Variants in KIF2A observed in about 807,000 individuals in gnomAD.
KIF2A encodes the protein kinesin family member 2A.
In KIF2A, 22 loss-of-function variants were observed where a neutral mutation model predicts 100.2. That is an observed-to-expected ratio of 0.22 (90% CI 0.16 to 0.31). The LOEUF (loss-of-function observed/expected upper bound fraction) is 0.31. Among genes scored for constraint, KIF2A ranks in the 10% least tolerant of loss-of-function variants. The pLI, the probability that KIF2A is intolerant of heterozygous loss-of-function variation, is 1.00. For synonymous variants in KIF2A, 268 were observed against 285.9 expected (o/e 0.94, Z 0.63); for missense variants, 495 against 898.7 (o/e 0.55, Z 5.74).
rs982983438 is a variant in KIF2A at position 62,388,183 on chromosome 5, A to G, written c.*2614A>G. ...TTTTAATTGTCCAGAAATCATAGGAATACTGGGAACCTGTAGTTATGGGAA... is the reference window on the plus strand; with the variant it reads ...TTTTAATTGTCCAGAAATCATAGGAGTACTGGGAACCTGTAGTTATGGGAA... On this transcript the variant is annotated 3_prime_UTR_variant, in exon 21 of 21. Transcript: ENST00000407818. 7 of 152,204 alleles carry G rather than the reference A, an allele frequency of 4.6e-5. No individual in the cohort carries two copies. 9.4% of individuals were successfully genotyped at this position (152,204 alleles called of 1,614,324 possible).
At chr5:62,318,956 A>G (rs1002939463) in intron 1 of KIF2A, among the ~76,000 whole-genome samples, 1 of 152,112 alleles carries the variant, frequency 6.6e-6, no homozygotes, top group East Asian at 1.9e-4. Flanking sequence ...CCAGTCAGAA[A>G]CTTGGTTGTC....
intron 16 of KIF2A, among the ~76,000 whole-genome samples, chr5:62,367,165 A>G (rs1236504545): frequency 6.6e-6 from 1 of 152,174 alleles, no homozygotes; most frequent in East Asian, 1.9e-4. Context: ...GTTTTGGTAT[A>G]TGTTGCATAT....
At chr5:62,319,977 A>T (rs1043121786) in intron 1 of KIF2A, among the ~76,000 whole-genome samples, 2 of 152,164 alleles carry the variant, frequency 1.3e-5, no homozygotes, top group Non-Finnish European at 2.9e-5. Flanking sequence ...AGACAAAAAT[A>T]TTACTAGCTT....
At chr5:62,376,401 GTTTT>G (rs201229170) in intron 18 of KIF2A, among the ~76,000 whole-genome samples, 2 of 140,894 alleles carry the variant, frequency 1.4e-5, no homozygotes, top group Non-Finnish European at 3.2e-5. Context: ...GATCGGAGAA[GTTTT>G]TTTTGTTTGT....
chr5:62,375,600 G>A (rs1741502311), intron 18 of KIF2A, among the ~76,000 whole-genome samples: 1 of 152,180 alleles, frequency 6.6e-6, no homozygotes, highest in Non-Finnish European at 1.5e-5. Flanking sequence ...ATGTTAGTTA[G>A]TTCTAATACT....
rs1741611538 is a variant in KIF2A, at chr5:62,377,746, A to T, written c.1997A>T (p.His666Leu). The change falls in exon 19 of 21, where the codon CAC becomes CTC. Residue 666 changes from histidine (H) to leucine (L), a missense_variant. Transcript: ENST00000407818. Reference protein sequence around the residue: ...VEMEEQVVEDHRAVFQESIRW... With the variant: ...VEMEEQVVEDLRAVFQESIRW... Reference sequence around the variant, plus strand: ...ATGGAAGAACAAGTTGTAGAAGATCACAGGGCAGTGTTCCAGGTAAAGTAA... The same window carrying T: ...ATGGAAGAACAAGTTGTAGAAGATCTCAGGGCAGTGTTCCAGGTAAAGTAA... The T allele has an allele frequency of 6.5e-7, 1 of 1,541,160 alleles. No homozygotes were observed.
chr5:62,379,239 TCTGA>T (rs1166306132), intron 19 of KIF2A, among the ~76,000 whole-genome samples: 6 of 152,236 alleles, frequency 3.9e-5, no homozygotes, highest in Non-Finnish European at 7.3e-5. Context: ...AATTAGGTGT[TCTGA>T]CTTTCAACCC....
chr5:62,306,408 C>A lies in KIF2A; in HGVS notation c.-65C>A, dbSNP rs1342902933. ...CCCCCTCCCACACCTACCCCGCCCC[C>A]TCCCCGCCTTTTCCGCCCTCCGGTC... On this transcript the variant is annotated 5_prime_UTR_variant, in exon 1 of 21. Coordinates refer to ENST00000407818, the MANE Select transcript of KIF2A (RefSeq NM_001098511.3). The A allele has an allele frequency of 1.7e-6, 2 of 1,143,986 alleles. No individual in the cohort carries two copies. The highest frequency in any genetic ancestry group is 2.1e-5 in the Admixed American group (1 of 47,912). The allele number at this position is 1,143,986 out of a possible 1,614,324, so 70.9% of individuals were successfully genotyped here. A position where few individuals can be genotyped will look rare whatever the true frequency, so the allele number is the denominator to read the frequency against.
chr5:62,353,121 C>G, intron 5 of KIF2A, 154 bp from the exon 6 acceptor site: 2 of 497,762 alleles, frequency 4.0e-6, no homozygotes, highest in Non-Finnish European at 7.2e-6. Flanking sequence ...TTTGGTAAAG[C>G]AGCTCATTAA....
At chr5:62,358,892 G>C (rs1748247284) in intron 9 of KIF2A, among the ~76,000 whole-genome samples, 2 of 152,200 alleles carry the variant, frequency 1.3e-5, no homozygotes, top group South Asian at 4.1e-4. Context: ...GCTAACCTCA[G>C]ACTCCTGAGC....
At chr5:62,347,642 T>C (rs1747640856) in intron 2 of KIF2A, among the ~76,000 whole-genome samples, 1 of 152,116 alleles carries the variant, frequency 6.6e-6, no homozygotes, top group Non-Finnish European at 1.5e-5. Context: ...TTTTTTGTTT[T>C]TGAGACAGGG....
intron 1 of KIF2A, among the ~76,000 whole-genome samples, chr5:62,336,083 A>G (rs1023961382): frequency 1.3e-5 from 2 of 152,238 alleles, no homozygotes; most frequent in African/African-American, 4.8e-5. Context: ...TCCCAAACAC[A>G]TAAGAGGAAA....
At chr5:62,308,295 T>C (rs1745407664) in intron 1 of KIF2A, 1 of 1,364,594 alleles carries the variant, frequency 7.3e-7, no homozygotes. Context: ...GTGCTGTTAA[T>C]GTCATTTTTT....
chr5:62,390,935 T>G lies in KIF2A; in HGVS notation c.*5366T>G, dbSNP rs1451085177. ...GTTTGTCACTAAAACCTGTGCTGGT[T>G]AGGATTTGCTGTATTTTATCTGCTA... On this transcript the variant is annotated 3_prime_UTR_variant, in exon 21 of 21. Transcript: ENST00000407818. 1.9e-6 allele frequency: 3 copies of G among 1,612,546 alleles called. No homozygotes were observed. In the African/African-American group the frequency reaches 4.0e-5, roughly 22 times the overall value.
chr5:62,343,728 C>A (rs1310061755), intron 1 of KIF2A, among the ~76,000 whole-genome samples: 1 of 152,130 alleles, frequency 6.6e-6, no homozygotes, highest in African/African-American at 2.4e-5. Flanking sequence ...AAGTACAAGG[C>A]ATTGGTAGCT....
rs569216488 is a variant in KIF2A at position 62,365,190 on chromosome 5, A to G, written c.1468-53A>G. 6.3e-4 allele frequency: 561 copies of G among 887,570 alleles called. 3 individuals carry two copies. Among genetic ancestry groups the G allele is most frequent in the Non-Finnish European group, 5.8e-5 (33 of 566,326 alleles). 55.0% of individuals were successfully genotyped at this position (887,570 alleles called of 1,614,324 possible). ...GACCTTTTAAAATATGTTAATTAAGATTATCCTTTATAAGAAAGACTAATC... is the reference window on the plus strand; with the variant it reads ...GACCTTTTAAAATATGTTAATTAAGGTTATCCTTTATAAGAAAGACTAATC... On this transcript the variant is annotated intron_variant, in intron 14 of 20. Transcript: ENST00000407818.
Position 62,348,044 on chromosome 5 carries a change from A to G in KIF2A, c.160-4A>G. 6.2e-7 allele frequency: 1 copy of G among 1,613,662 alleles called. No individual in the cohort carries two copies. Among genetic ancestry groups the G allele is most frequent in the Non-Finnish European group, 8.5e-7 (1 of 1,179,654 alleles). ...AAAAGACTATGTGTATGTGTTGTGA[A>G]CAGATTGACCTGGAGAGCATCTTTT... On this transcript the variant is annotated splice_polypyrimidine_tract_variant and splice_region_variant and intron_variant, in intron 2 of 20. Transcript: ENST00000407818.
At chr5:62,306,667 G>T in intron 1 of KIF2A, 131 bp downstream of exon 1, 1 of 722,890 alleles carries the variant, frequency 1.4e-6, no homozygotes, top group South Asian at 1.9e-5. Context: ...CGGCCGCGGC[G>T]CTTTTGTGTG....
At chr5:62,311,661 T>C (rs1745558436) in intron 1 of KIF2A, among the ~76,000 whole-genome samples, 1 of 152,150 alleles carries the variant, frequency 6.6e-6, no homozygotes, top group African/African-American at 2.4e-5. Flanking sequence ...TAAATTTAAG[T>C]AATAAAGATG....
Sources: allele counts gnomAD v4.1 joint callset (sites outside exome capture counted in the v4.1 genomes callset), GRCh38; gene constraint gnomAD v4.1.1; transcripts MANE v1.5; gene names NCBI Gene and HGNC (gene_info 2026-07-23, HGNC 2026-07-21).